The following GNAQ variants were observed in gnomAD, a reference collection of about 807,000 sequenced individuals.
The protein encoded by GNAQ is guanine nucleotide-binding protein G(q) subunit alpha.
In GNAQ, 8 loss-of-function variants were observed where a neutral mutation model predicts 43.9. The ratio of observed to expected loss-of-function variants is 0.18; its 90% CI spans 0.11 to 0.33. The LOEUF (loss-of-function observed/expected upper bound fraction) is 0.33, where lower values mean the gene tolerates loss of function less well. GNAQ is among the 10% of genes least tolerant of loss of function. GNAQ has a pLI of 1.00. For synonymous variants in GNAQ, 155 were observed against 170.7 expected, an observed-to-expected ratio of 0.91 and a Z score of 0.71; for missense variants, 158 against 450.8, an observed-to-expected ratio of 0.35 and a Z score of 5.88.
rs1319721473 is a variant in GNAQ at position 77,940,695 on chromosome 9, CGGTGG to C, written c.137-18355_137-18351del. ...TTAAAATTTGCAAGTCGGCTGCGCG[CGGTGG>C]CTCACGCCTGTAATCCCAGCACTTT... is the stretch of plus-strand genomic sequence containing the variant. On this transcript the variant is annotated intron_variant, in intron 1 of 6. Coordinates refer to ENST00000286548, the MANE Select transcript of GNAQ (RefSeq NM_002072.5). Among the ~76,000 whole-genome samples the C allele has an allele frequency of 3.9e-5, 6 of 152,146 alleles. No individual in the cohort carries two copies. The South Asian group carries it at 6.2e-4, about 16-fold the overall frequency.
intron 2 of GNAQ, among the ~76,000 whole-genome samples, chr9:77,855,978 A>G (rs1372344946): frequency 6.6e-6 from 1 of 152,238 alleles, no homozygotes; most frequent in Admixed American, 6.5e-5. Context: ...AATAAGGAAC[A>G]TAACACAGAC....
chr9:77,738,120 T>C (rs1316298173), intron 5 of GNAQ, among the ~76,000 whole-genome samples: 1 of 152,248 alleles, frequency 6.6e-6, no homozygotes, highest in Non-Finnish European at 1.5e-5. Context: ...CGTGGTGGTG[T>C]GGTCATTTTA....
At chr9:77,835,551 T>C (rs1827370131) in intron 2 of GNAQ, among the ~76,000 whole-genome samples, 1 of 152,104 alleles carries the variant, frequency 6.6e-6, no homozygotes, top group South Asian at 2.1e-4. Flanking sequence ...TGTAAAATCA[T>C]ATATAGTAAA....
At chr9:77,766,290 CTT>C (rs567955118) in intron 5 of GNAQ, among the ~76,000 whole-genome samples, 16 of 152,200 alleles carry the variant, frequency 1.1e-4, no homozygotes, top group East Asian at 3.9e-4. Context: ...AGAAAAAGCT[CTT>C]TGTTTCATCA....
intron 1 of GNAQ, among the ~76,000 whole-genome samples, chr9:77,931,673 A>G (rs1829155077): frequency 6.6e-6 from 1 of 152,030 alleles, no homozygotes; most frequent in Admixed American, 6.6e-5. Context: ...CTTCCACTTT[A>G]TACATCTATT....
At chr9:77,983,867 AG>A (rs958077681) in intron 1 of GNAQ, among the ~76,000 whole-genome samples, 2 of 151,982 alleles carry the variant, frequency 1.3e-5, no homozygotes, top group African/African-American at 4.8e-5. Context: ...TGTATCCTAA[AG>A]GAAGTCCACT....
intron 1 of GNAQ, among the ~76,000 whole-genome samples, chr9:78,025,884 G>A (rs187814671): frequency 1.7e-4 from 26 of 152,218 alleles, no homozygotes; most frequent in Admixed American, 1.0e-3. Context: ...AGTGTGCCTG[G>A]ATCATAAAGA....
At chr9:77,747,706 A>G (rs933525602) in intron 5 of GNAQ, among the ~76,000 whole-genome samples, 4 of 152,222 alleles carry the variant, frequency 2.6e-5, no homozygotes, top group African/African-American at 9.6e-5. Context: ...CCATGCACCC[A>G]CCCATAGCAC....
chr9:77,749,207 T>C (rs976783580), intron 5 of GNAQ, among the ~76,000 whole-genome samples: 1 of 152,212 alleles, frequency 6.6e-6, no homozygotes, highest in Admixed American at 6.5e-5. Flanking sequence ...GGACCCATTC[T>C]TGCTTTGGGT....
At chr9:78,008,896 C>T (rs1338179751) in intron 1 of GNAQ, among the ~76,000 whole-genome samples, 2 of 152,278 alleles carry the variant, frequency 1.3e-5, no homozygotes, top group Non-Finnish European at 2.9e-5. Context: ...GGATTACAGG[C>T]GTGAGCCACT....
At chr9:77,871,143 GGTTA>G (rs909325290) in intron 2 of GNAQ, among the ~76,000 whole-genome samples, 8 of 152,168 alleles carry the variant, frequency 5.3e-5, no homozygotes, top group Admixed American at 2.6e-4. Flanking sequence ...CATTTTTAAA[GGTTA>G]GTTATGACTG....
At position 77,717,458 on chromosome 9, in the gene GNAQ, C is replaced by T. The variant is rs1336212004; in HGVS notation, c.*3865G>A. 2 of 232,320 alleles carry T rather than the reference C, an allele frequency of 8.6e-6. No homozygotes were observed. Among genetic ancestry groups the T allele is most frequent in the Non-Finnish European group, 1.7e-5 (2 of 117,628 alleles). The allele number at this position is 232,320 out of a possible 1,614,324, so 14.4% of individuals were successfully genotyped here. A position where few individuals can be genotyped will look rare whatever the true frequency, so the allele number is the denominator to read the frequency against. ...CGGTAGGTGATTTGAGGGAAATTTC[C>T]AACCAATATGTGAGTCTTGCAGTAT... On this transcript the variant is annotated 3_prime_UTR_variant, in exon 7 of 7. Coordinates refer to ENST00000286548, the MANE Select transcript of GNAQ (RefSeq NM_002072.5).
At chr9:77,992,029 G>A (rs1823514210) in intron 1 of GNAQ, among the ~76,000 whole-genome samples, 1 of 152,216 alleles carries the variant, frequency 6.6e-6, no homozygotes, top group South Asian at 2.1e-4. Context: ...CTATAAGCAT[G>A]CATGTACATG....
At chr9:77,972,970 T>A (rs1171906009) in intron 1 of GNAQ, among the ~76,000 whole-genome samples, 1 of 143,166 alleles carries the variant, frequency 7.0e-6, no homozygotes, top group Non-Finnish European at 1.5e-5. Flanking sequence ...AAAAAAAAAA[T>A]TCCTTTACTT....
At chr9:78,030,446 C>A in intron 1 of GNAQ, 1 of 460,184 alleles carries the variant, frequency 2.2e-6, no homozygotes. Context: ...CACATTTGGG[C>A]TTGCCCTCCC....
chr9:77,745,728 T>A (rs1294752428), intron 5 of GNAQ, among the ~76,000 whole-genome samples: 7 of 151,224 alleles, frequency 4.6e-5, no homozygotes, highest in Non-Finnish European at 7.4e-5. Flanking sequence ...ATAAAAAAAT[T>A]TTAAAAAATA....
At chr9:78,014,961 T>C (rs1823820100) in intron 1 of GNAQ, among the ~76,000 whole-genome samples, 1 of 152,160 alleles carries the variant, frequency 6.6e-6, no homozygotes, top group Admixed American at 6.5e-5. Flanking sequence ...TAGTCACATG[T>C]TTGTGGTAAT....
chr9:77,964,018 A>G (rs1333743650), intron 1 of GNAQ, among the ~76,000 whole-genome samples: 1 of 152,218 alleles, frequency 6.6e-6, no homozygotes, highest in East Asian at 1.9e-4. Context: ...GGCTAGTATC[A>G]TTGCTTACAA....
chr9:77,971,208 G>A (rs1823233163), intron 1 of GNAQ, among the ~76,000 whole-genome samples: 1 of 152,142 alleles, frequency 6.6e-6, no homozygotes, highest in Non-Finnish European at 1.5e-5. Flanking sequence ...GTACAAAGAG[G>A]AGCTGATACC....
Sources: gnomAD v4.1 joint callset for allele counts (sites outside exome capture counted in the v4.1 genomes callset) on GRCh38, gnomAD v4.1.1 for gene constraint, MANE v1.5 for transcripts, NCBI Gene and HGNC (gene_info 2026-07-23, HGNC 2026-07-21) for gene names.